The following ROBO1 variants were observed in gnomAD, a reference collection of about 807,000 sequenced individuals.
ROBO1 encodes the protein roundabout homolog 1.
A neutral mutation model predicts 195.9 loss-of-function variants in ROBO1; 149 were observed. The observed-to-expected ratio is 0.76, with a 90% CI of 0.67 to 0.87. The LOEUF is 0.87. Ranked by LOEUF, ROBO1 falls within the 40% of genes least tolerant of loss-of-function variation. ROBO1 has a pLI of 0.00. For synonymous variants in ROBO1, 816 were observed against 733.2 expected (o/e 1.11, Z -1.82); for missense variants, 1,933 against 2,068.3 (o/e 0.93, Z 1.27).
intron 18 of ROBO1, among the ~76,000 whole-genome samples, chr3:78,655,935 A>G (rs1356076254): frequency 6.6e-6 from 1 of 152,224 alleles, no homozygotes; most frequent in Non-Finnish European, 1.5e-5. Context: ...TCTTGGCATC[A>G]TTCATAATTT....
chr3:78,681,842 C>T lies in ROBO1; in HGVS notation c.1342+3904G>A, dbSNP rs376534151. ...GCCTGAACCTGGGAGGCGGAGCTTACAGTGAGCTGAGATCGCACCACTGCA... is the reference window on the plus strand; with the variant it reads ...GCCTGAACCTGGGAGGCGGAGCTTATAGTGAGCTGAGATCGCACCACTGCA... On this transcript the variant is annotated intron_variant, in intron 10 of 30. Coordinates refer to ENST00000464233, the MANE Select transcript of ROBO1 (RefSeq NM_002941.4). Among the ~76,000 whole-genome samples, 18 of 152,232 alleles carry T rather than the reference C, an allele frequency of 1.2e-4. No homozygotes were observed. The South Asian group carries it at 1.5e-3, about 12-fold the overall frequency.
intron 2 of ROBO1, among the ~76,000 whole-genome samples, chr3:79,536,198 T>C (rs1484187355): frequency 6.6e-6 from 1 of 152,112 alleles, no homozygotes; most frequent in Admixed American, 6.6e-5. Context: ...ATATATCCCA[T>C]ATATCCCAGA....
At chr3:78,745,384 A>G (rs1278695625) in intron 5 of ROBO1, among the ~76,000 whole-genome samples, 1 of 152,076 alleles carries the variant, frequency 6.6e-6, no homozygotes, top group Non-Finnish European at 1.5e-5. Flanking sequence ...GCATGAGGGA[A>G]AGTCAGGGAT....
intron 2 of ROBO1, chr3:79,512,958 T>C (rs1041612865): frequency 1.3e-5 from 2 of 152,154 alleles, no homozygotes; most frequent in African/African-American, 4.8e-5. Context: ...AGCTGCTGTT[T>C]GTATCAAGCA....
chr3:78,677,934 C>T (rs1708540894), intron 10 of ROBO1, among the ~76,000 whole-genome samples: 1 of 151,564 alleles, frequency 6.6e-6, no homozygotes, highest in South Asian at 2.1e-4. Flanking sequence ...GTAAAGCTCT[C>T]CTCAGCAAAT....
chr3:79,070,799 A>G (rs1347403812), intron 3 of ROBO1, among the ~76,000 whole-genome samples: 2 of 151,790 alleles, frequency 1.3e-5, no homozygotes, highest in Non-Finnish European at 1.5e-5. Flanking sequence ...CATCACTTTC[A>G]GCCAACATAC....
intron 4 of ROBO1, among the ~76,000 whole-genome samples, chr3:78,808,970 T>G (rs2084639810): frequency 6.6e-6 from 1 of 152,058 alleles, no homozygotes; most frequent in African/African-American, 2.4e-5. Context: ...CCAAAAGCAA[T>G]GGCAACAAAA....
chr3:78,779,440 G>A (rs1011598291), intron 4 of ROBO1, among the ~76,000 whole-genome samples: 13 of 152,050 alleles, frequency 8.5e-5, no homozygotes, highest in African/African-American at 3.1e-4. Flanking sequence ...TCAAAAAGTG[G>A]GCAAAGGATA....
chr3:79,547,186 A>G (rs1341581291), intron 2 of ROBO1, among the ~76,000 whole-genome samples: 1 of 132,358 alleles, frequency 7.6e-6, no homozygotes, highest in Non-Finnish European at 1.6e-5. Context: ...CTCCGCCTCA[A>G]AAAAAAAAAA....
chr3:79,300,567 C>T (rs553916141), intron 2 of ROBO1, among the ~76,000 whole-genome samples: 120 of 152,318 alleles, frequency 7.9e-4, no homozygotes, highest in African/African-American at 2.9e-3. Flanking sequence ...CTCCATGGCG[C>T]CCAGTCCCAT....
At chr3:78,700,389 T>A (rs932849206) in intron 8 of ROBO1, among the ~76,000 whole-genome samples, 3 of 152,152 alleles carry the variant, frequency 2.0e-5, no homozygotes, top group African/African-American at 7.2e-5. Flanking sequence ...TCTGAAAAAC[T>A]GGAATGTCTA....
intron 14 of ROBO1, among the ~76,000 whole-genome samples, chr3:78,667,403 T>C (rs1707796762): frequency 6.6e-6 from 1 of 152,158 alleles, no homozygotes; most frequent in African/African-American, 2.4e-5. Context: ...TTATCCTTTG[T>C]TTGTGTTACA....
At chr3:79,517,743 C>T (rs1157117550) in intron 2 of ROBO1, among the ~76,000 whole-genome samples, 3 of 152,134 alleles carry the variant, frequency 2.0e-5, no homozygotes. Context: ...ATAGGTGACA[C>T]TTATTGAATA....
rs1160620865 is a variant in ROBO1, at chr3:79,628,527, G to GA, written c.-50-38567_-50-38566insT. Among the ~76,000 whole-genome samples the GA allele has an allele frequency of 3.3e-5, 5 of 152,088 alleles. No homozygotes were observed. In the East Asian group the frequency reaches 9.7e-4, roughly 29 times the overall value. On this transcript the variant is annotated intron_variant, in intron 1 of 30. Coordinates refer to ENST00000464233, the MANE Select transcript of ROBO1 (RefSeq NM_002941.4). The stretch of plus-strand genomic sequence containing the variant: ...AGGGAACTTAGAGGATGGGTCAATA[G>GA]GTGCAGCAAACCACCATGGCACAGG...
chr3:78,680,031 A>G (rs1253757210), intron 10 of ROBO1, among the ~76,000 whole-genome samples: 3 of 152,204 alleles, frequency 2.0e-5, no homozygotes, highest in Non-Finnish European at 4.4e-5. Flanking sequence ...AACGCCGCAT[A>G]TCTACAACTA....
intron 2 of ROBO1, among the ~76,000 whole-genome samples, chr3:79,345,607 A>G (rs550765851): frequency 6.6e-5 from 10 of 152,144 alleles, no homozygotes; most frequent in Non-Finnish European, 1.0e-4. Context: ...AAATAGGAAA[A>G]GAGATAAAGA....
intron 2 of ROBO1, among the ~76,000 whole-genome samples, chr3:79,443,096 A>C (rs903292375): frequency 5.3e-5 from 8 of 152,170 alleles, no homozygotes; most frequent in Non-Finnish European, 1.2e-4. Flanking sequence ...CCATCTCTGC[A>C]CATATGTATA....
intron 5 of ROBO1, among the ~76,000 whole-genome samples, chr3:78,725,054 T>C (rs1466166682): frequency 1.3e-5 from 2 of 152,178 alleles, no homozygotes; most frequent in Non-Finnish European, 2.9e-5. Flanking sequence ...GCAGAACATG[T>C]TAAACTTTCA....
At chr3:79,424,093 C>A (rs1276524797) in intron 2 of ROBO1, among the ~76,000 whole-genome samples, 1 of 151,998 alleles carries the variant, frequency 6.6e-6, no homozygotes, top group Non-Finnish European at 1.5e-5. Flanking sequence ...CAACATTTCT[C>A]GTAGCTAGAT....
Sources: gnomAD v4.1 joint callset for allele counts (sites outside exome capture counted in the v4.1 genomes callset) on GRCh38, gnomAD v4.1.1 for gene constraint, MANE v1.5 for transcripts, NCBI Gene and HGNC (gene_info 2026-07-23, HGNC 2026-07-21) for gene names.